Variants in HNRNPR observed in about 807,000 individuals in gnomAD.
The protein encoded by HNRNPR is heterogeneous nuclear ribonucleoprotein R.
Under a neutral mutation model 70.3 loss-of-function variants are expected in HNRNPR, and 4 were observed. The ratio of observed to expected loss-of-function variants is 0.06; its 90% CI spans 0.03 to 0.13. HNRNPR has a LOEUF of 0.13. HNRNPR is among the 10% of genes least tolerant of loss of function. HNRNPR has a pLI of 1.00. For missense variants in HNRNPR, 423 were observed against 788.5 expected, an observed-to-expected ratio of 0.54 and a Z score of 5.55; for synonymous variants, 241 against 267.6, an observed-to-expected ratio of 0.90 and a Z score of 0.97.
Position 23,305,882 on chromosome 1 carries a change from CCAT to C in HNRNPR, c.*4569_*4571del, listed in dbSNP as rs1645195665. The C allele has an allele frequency of 6.6e-6, 1 of 152,054 alleles. No individual in the cohort carries two copies. Among genetic ancestry groups the C allele is most frequent in the African/African-American group, 2.4e-5 (1 of 41,394 alleles). 9.4% of individuals were successfully genotyped at this position (152,054 alleles called of 1,614,324 possible). ...GTCTCAACATATCTCTAAATTGAGG[CCAT>C]TATTGTCAAACTGCTAAAACTTTTT... On this transcript the variant is annotated 3_prime_UTR_variant, in exon 11 of 11. Coordinates refer to ENST00000302271, the MANE Select transcript of HNRNPR (RefSeq NM_005826.5).
At position 23,310,793 on chromosome 1, in the gene HNRNPR, T is replaced by C; in HGVS notation, c.1563A>G (p.Pro521=). 1 of 1,613,984 alleles carries C rather than the reference T, an allele frequency of 6.2e-7. No individual in the cohort carries two copies. Among genetic ancestry groups the C allele is most frequent in the Non-Finnish European group, 8.5e-7 (1 of 1,179,936 alleles). Residue 521 remains proline, a synonymous_variant, in exon 11 of 11, where the codon CCA becomes CCG. Transcript: ENST00000302271. This position sits in a 1 kb window ranked among gnomAD's most constrained non-coding sequence, Gnocchi z 6.0. ...APPPPRGRGA[P]PPRGRAGYSQ... is the part of the protein sequence containing the mutation. Reference sequence around the variant, plus strand: ...AATAGCCAGCTCTACCTCTTGGAGGTGGTGCTCCCCTCCCCCTTGGTGGTG... The same window carrying C: ...AATAGCCAGCTCTACCTCTTGGAGGCGGTGCTCCCCTCCCCCTTGGTGGTG...
intron 5 of HNRNPR, among the ~76,000 whole-genome samples, chr1:23,325,817 C>A (rs752323117): frequency 1.3e-5 from 2 of 152,154 alleles, no homozygotes; most frequent in Non-Finnish European, 2.9e-5. Flanking sequence ...CAACAAAACA[C>A]CCCTTACTTT....
intron 4 of HNRNPR, 100 bp downstream of exon 4, chr1:23,337,654 C>CAAAAAAAAAAA (rs372423149): frequency 1.6e-4 from 101 of 626,522 alleles, no homozygotes; most frequent in African/African-American, 1.5e-3. Context: ...GACTCCGTCT[C>CAAAAAAAAAAA]AAAAAAAAAA....
intron 5 of HNRNPR, among the ~76,000 whole-genome samples, 180 bp from the exon 6 acceptor site, chr1:23,323,912 G>C (rs1645855722): frequency 1.3e-5 from 2 of 151,772 alleles, no homozygotes; most frequent in South Asian, 4.1e-4. Flanking sequence ...AATGACCTTA[G>C]GGTTATCAAA....
At chr1:23,342,170 C>T (rs933999458) in intron 1 of HNRNPR, among the ~76,000 whole-genome samples, 2 of 152,196 alleles carry the variant, frequency 1.3e-5, no homozygotes, top group African/African-American at 2.4e-5. Context: ...CTACAAAGTA[C>T]TAAGACACAT....
Position 23,318,820 on chromosome 1 carries a change from A to T in HNRNPR, c.812-132T>A. ...CCTCAACATGAGTCACTAATTTTGT[A>T]GACAATTAGATCAACATAATTAGAT... On this transcript the variant is annotated intron_variant, in intron 7 of 10. Transcript: ENST00000302271. The surrounding 1 kb of genome is among the most constrained non-coding windows in gnomAD (Gnocchi z 4.2). 1.4e-6 allele frequency: 1 copy of T among 723,518 alleles called. No homozygotes were observed. Among genetic ancestry groups the T allele is most frequent in the Non-Finnish European group, 2.3e-6 (1 of 431,468 alleles). 44.8% of individuals were successfully genotyped at this position (723,518 alleles called of 1,614,324 possible).
intron 5 of HNRNPR, among the ~76,000 whole-genome samples, chr1:23,325,112 C>T (rs1645918470): frequency 6.6e-6 from 1 of 151,944 alleles, no homozygotes. Context: ...TACACTCCAG[C>T]CTGGGCAACA....
At chr1:23,321,821 CTTCA>C (rs1046069156) in intron 6 of HNRNPR, among the ~76,000 whole-genome samples, 158 bp from the exon 7 acceptor site, 6 of 152,310 alleles carry the variant, frequency 3.9e-5, no homozygotes, top group South Asian at 2.1e-4. Flanking sequence ...ATATTTTAAA[CTTCA>C]TTGTTACAGT....
At chr1:23,317,326 C>T (rs999650421) in intron 8 of HNRNPR, among the ~76,000 whole-genome samples, 16 of 152,030 alleles carry the variant, frequency 1.1e-4, no homozygotes, top group South Asian at 2.1e-4. Context: ...GCTGTGGTGG[C>T]GGGCACCTGT....
At chr1:23,311,391 CTAT>C in intron 9 of HNRNPR, 69 bp from the exon 10 acceptor site, 5 of 1,010,194 alleles carry the variant, frequency 4.9e-6, no homozygotes, top group Admixed American at 2.6e-5. Context: ...AGTATGTAAG[CTAT>C]TATACTTGTG....
Position 23,308,514 on chromosome 1 carries a change from T to C in HNRNPR, c.*1940A>G, listed in dbSNP as rs924015475. 2.0e-5 allele frequency: 3 copies of C among 152,068 alleles called. No individual in the cohort carries two copies. Among genetic ancestry groups the C allele is most frequent in the South Asian group, 2.1e-4 (1 of 4,830 alleles). 9.4% of individuals were successfully genotyped at this position (152,068 alleles called of 1,614,324 possible). ...TTTAAAAGCAGCATTTAAAGAATGT[T>C]TGGTGTCTTTACTTGCATACATGGG... is the stretch of plus-strand genomic sequence containing the variant. On this transcript the variant is annotated 3_prime_UTR_variant, in exon 11 of 11. Coordinates refer to ENST00000302271, the MANE Select transcript of HNRNPR (RefSeq NM_005826.5).
At chr1:23,317,556 A>C (rs371378936) in intron 8 of HNRNPR, among the ~76,000 whole-genome samples, 21 of 152,318 alleles carry the variant, frequency 1.4e-4, no homozygotes, top group African/African-American at 4.8e-4. Context: ...TGGCAACGCA[A>C]GTACAGGAAT....
At position 23,321,488 on chromosome 1, in the gene HNRNPR, T is replaced by C. The variant is rs376874398; in HGVS notation, c.811+40A>G. 60 of 1,577,178 alleles carry C rather than the reference T, an allele frequency of 3.8e-5. No homozygotes were observed. In the African/African-American group the frequency reaches 7.0e-4, roughly 18 times the overall value. ...TTGAGCACTTGTAAGTAGTACAACA[T>C]ATTTCGCAAAAGTAATTTCTAAATA... is the stretch of plus-strand genomic sequence containing the variant. On this transcript the variant is annotated intron_variant, in intron 7 of 10. Transcript: ENST00000302271.
intron 7 of HNRNPR, among the ~76,000 whole-genome samples, chr1:23,320,294 G>A (rs1419130016): frequency 5.9e-5 from 9 of 152,190 alleles, no homozygotes; most frequent in Admixed American, 3.9e-4. Flanking sequence ...ACAATATAGC[G>A]GGTGGTAGCA....
At chr1:23,330,389 G>A (rs1646168667) in intron 5 of HNRNPR, among the ~76,000 whole-genome samples, 1 of 152,038 alleles carries the variant, frequency 6.6e-6, no homozygotes, top group Non-Finnish European at 1.5e-5. Context: ...ACAAAAATTA[G>A]CTGAGCATGG....
At chr1:23,340,794 T>C in intron 2 of HNRNPR, 58 bp downstream of exon 2, 1 of 1,348,496 alleles carries the variant, frequency 7.4e-7, no homozygotes. Context: ...ACTATAAAAT[T>C]CAAAGTGGTT....
chr1:23,337,906 C>G (rs1190957965), intron 3 of HNRNPR, 45 bp from the exon 4 acceptor site: 11 of 1,138,044 alleles, frequency 9.7e-6, no homozygotes, highest in Non-Finnish European at 1.4e-5. Flanking sequence ...CCAAAAATAT[C>G]TGAAGGGTCA....
At chr1:23,314,958 C>T (rs1645473218) in intron 8 of HNRNPR, among the ~76,000 whole-genome samples, 1 of 152,066 alleles carries the variant, frequency 6.6e-6, no homozygotes, top group Non-Finnish European at 1.5e-5. Context: ...AGTACCTCCA[C>T]AGAATAGACT....
At chr1:23,314,634 T>C (rs1462395888) in intron 8 of HNRNPR, among the ~76,000 whole-genome samples, 2 of 152,204 alleles carry the variant, frequency 1.3e-5, no homozygotes, top group Non-Finnish European at 2.9e-5. Context: ...TCATTAATCA[T>C]TAATGGCACT....
Sources: allele counts gnomAD v4.1 joint callset (sites outside exome capture counted in the v4.1 genomes callset), GRCh38; gene constraint gnomAD v4.1.1; non-coding constraint Gnocchi (gnomAD v3.1); transcripts MANE v1.5; gene names NCBI Gene and HGNC (gene_info 2026-07-23, HGNC 2026-07-21).